Variants in SAMD5 observed in about 807,000 individuals in gnomAD.
The protein encoded by SAMD5 is sterile alpha motif domain-containing protein 5.
SAMD5 carries 13 observed loss-of-function variants against 11.3 expected under a neutral mutation model. The observed-to-expected ratio is 1.15, with a 90% CI of 0.75 to 1.83. The LOEUF (loss-of-function observed/expected upper bound fraction) is 1.83. Ranked by LOEUF, SAMD5 falls within the 40% of genes most tolerant of loss-of-function variation. The probability of loss-of-function intolerance (pLI) is 0.00; values close to 1 mark genes in which losing one functional copy is unlikely to be tolerated. For synonymous variants in SAMD5, 129 were observed against 111.3 expected (o/e 1.16, Z -1.00); for missense variants, 255 against 239.1 (o/e 1.07, Z -0.44).
At chr6:147,559,434 AG>A (rs1207856820) in intron 1 of SAMD5, among the ~76,000 whole-genome samples, 1 of 152,228 alleles carries the variant, frequency 6.6e-6, no homozygotes. Context: ...GAAAATGTCC[AG>A]CCAGCCTCTC....
the SAMD5 span, among the ~76,000 whole-genome samples, chr6:147,951,169 TTTTC>T: frequency 1.9e-3 from 276 of 147,952 alleles, 1 homozygote; most frequent in Non-Finnish European, 2.7e-3. Flanking sequence ...TTCTTGTTTC[TTTTC>T]TTTCTTTCTT....
At chr6:147,912,332 T>G in the SAMD5 span, among the ~76,000 whole-genome samples, 1 of 152,186 alleles carries the variant, frequency 6.6e-6, no homozygotes, top group Non-Finnish European at 1.5e-5. Flanking sequence ...ATGAATCATT[T>G]AAAATTGGAA....
At chr6:147,877,885 A>AC in the SAMD5 span, among the ~76,000 whole-genome samples, 1 of 44,308 alleles carries the variant, frequency 2.3e-5, no homozygotes, top group South Asian at 5.5e-4. Flanking sequence ...CACACACGAT[A>AC]GATAGATAGC....
the SAMD5 span, among the ~76,000 whole-genome samples, chr6:147,754,245 A>T: frequency 6.6e-6 from 1 of 151,920 alleles, no homozygotes. Context: ...AAGCCATTTT[A>T]ACTGGGGTGA....
intron 1 of SAMD5, among the ~76,000 whole-genome samples, chr6:147,680,564 G>A (rs1483610236): frequency 6.6e-6 from 1 of 152,080 alleles, no homozygotes; most frequent in Non-Finnish European, 1.5e-5. Context: ...TAGATATGGT[G>A]AGCAGATGTG....
At chr6:147,730,081 A>T (rs1419150044) in intron 1 of SAMD5, 3 of 437,302 alleles carry the variant, frequency 6.9e-6, no homozygotes, top group African/African-American at 6.3e-5. Flanking sequence ...TCTCAAAAAA[A>T]AAAAAAAAAA....
chr6:147,589,353 T>A (rs944052731), intron 1 of SAMD5, among the ~76,000 whole-genome samples: 3 of 152,164 alleles, frequency 2.0e-5, no homozygotes, highest in Non-Finnish European at 4.4e-5. Flanking sequence ...TAAAACACCC[T>A]CCACATATTT....
chr6:147,821,087 G>A, the SAMD5 span, among the ~76,000 whole-genome samples: 2 of 152,176 alleles, frequency 1.3e-5, no homozygotes, highest in Non-Finnish European at 2.9e-5. Flanking sequence ...CAGTAAATAT[G>A]CATTTTTATT....
the SAMD5 span, among the ~76,000 whole-genome samples, chr6:147,846,786 C>T: frequency 6.6e-6 from 1 of 152,162 alleles, no homozygotes; most frequent in East Asian, 1.9e-4. Flanking sequence ...TGTCACTGCA[C>T]TCTAGCCTGG....
chr6:147,882,978 G>T, the SAMD5 span, among the ~76,000 whole-genome samples: 1 of 152,284 alleles, frequency 6.6e-6, no homozygotes, highest in Non-Finnish European at 1.5e-5. Flanking sequence ...TAGTTTATTA[G>T]CTTGGTTCAG....
chr6:147,661,938 C>T (rs1790654412), intron 1 of SAMD5, among the ~76,000 whole-genome samples: 1 of 152,226 alleles, frequency 6.6e-6, no homozygotes, highest in Non-Finnish European at 1.5e-5. Context: ...GCGACTAAAA[C>T]CGTTCTTTTA....
At chr6:147,635,240 A>C (rs1790210810) in intron 1 of SAMD5, among the ~76,000 whole-genome samples, 1 of 152,134 alleles carries the variant, frequency 6.6e-6, no homozygotes, top group African/African-American at 2.4e-5. Flanking sequence ...CACCACCACC[A>C]CCACCACCAT....
chr6:147,935,217 C>G, the SAMD5 span, among the ~76,000 whole-genome samples: 1 of 152,090 alleles, frequency 6.6e-6, no homozygotes, highest in Non-Finnish European at 1.5e-5. Flanking sequence ...GCTACTACAT[C>G]CTAGGTATGT....
Position 147,567,265 on chromosome 6 carries a change from A to C in SAMD5, c.*2809A>C. The C allele has an allele frequency of 2.0e-6, 2 of 985,332 alleles. No individual in the cohort carries two copies. The highest frequency in any genetic ancestry group is 2.4e-6 in the Non-Finnish European group (2 of 829,810). The allele number at this position is 985,332 out of a possible 1,614,324, so 61.0% of individuals were successfully genotyped here. A position where few individuals can be genotyped will look rare whatever the true frequency, so the allele number is the denominator to read the frequency against. ...GGGAAAACTGAATTTATAGCAACAA[A>C]GGATAGTAGTTTCTCAACTGGGAGC... On this transcript the variant is annotated 3_prime_UTR_variant, in exon 2 of 2. Transcript: ENST00000367474.
intron 1 of SAMD5, among the ~76,000 whole-genome samples, chr6:147,693,830 G>A (rs1162899035): frequency 1.3e-5 from 2 of 152,094 alleles, no homozygotes; most frequent in East Asian, 1.9e-4. Context: ...TTAGCCGGGC[G>A]TGGTGGCGGG....
intron 1 of SAMD5, among the ~76,000 whole-genome samples, chr6:147,589,040 C>T (rs1333595094): frequency 1.3e-5 from 2 of 151,962 alleles, no homozygotes; most frequent in Non-Finnish European, 2.9e-5. Flanking sequence ...TCACTGCAGC[C>T]TTGACCTCCT....
the SAMD5 span, among the ~76,000 whole-genome samples, chr6:147,919,180 A>G: frequency 3.7e-4 from 57 of 152,298 alleles, 3 homozygotes; most frequent in South Asian, 0.011. Context: ...GATGGTTGAA[A>G]AAAGGCATAG....
the SAMD5 span, among the ~76,000 whole-genome samples, chr6:147,885,877 C>T: frequency 3.3e-5 from 5 of 152,166 alleles, no homozygotes; most frequent in African/African-American, 9.7e-5. Flanking sequence ...GGCAGCGAAA[C>T]AGCCAAGATG....
chr6:147,910,610 G>A, the SAMD5 span, among the ~76,000 whole-genome samples: 23 of 152,174 alleles, frequency 1.5e-4, no homozygotes, highest in African/African-American at 3.9e-4. Context: ...AAAAAACCTC[G>A]GATCCATATG....
Sources: allele counts gnomAD v4.1 joint callset (sites outside exome capture counted in the v4.1 genomes callset), GRCh38; gene constraint gnomAD v4.1.1; transcripts MANE v1.5; gene names NCBI Gene and HGNC (gene_info 2026-07-23, HGNC 2026-07-21).